The following SLIT3 variants were observed in gnomAD, a reference collection of about 807,000 sequenced individuals.
SLIT3 encodes the protein slit guidance ligand 3.
Under a neutral mutation model 184.0 loss-of-function variants are expected in SLIT3, and 68 were observed. The observed-to-expected ratio is 0.37, with a 90% CI of 0.30 to 0.45. SLIT3 has a LOEUF of 0.45. Ranked by LOEUF, SLIT3 falls within the 20% of genes least tolerant of loss-of-function variation. SLIT3 has a pLI of 1.00. For missense variants in SLIT3, 1,707 were observed against 2,026.0 expected (o/e 0.84, Z 3.02); for synonymous variants, 831 against 828.6 (o/e 1.00, Z -0.05).
chr5:169,107,937 C>G (rs957066744), intron 4 of SLIT3, among the ~76,000 whole-genome samples: 1 of 152,208 alleles, frequency 6.6e-6, no homozygotes, highest in Non-Finnish European at 1.5e-5. Context: ...GGCTGAGATG[C>G]CTCCCAGGCT....
In SLIT3 at chr5:169,244,849, T is replaced by C. The variant is rs541333015; in HGVS notation, c.270-73A>G. 7.0e-5 allele frequency: 89 copies of C among 1,275,374 alleles called. 1 individual carries two copies. Among genetic ancestry groups the C allele is most frequent in the Admixed American group, 1.5e-4 (9 of 59,316 alleles). 79.0% of individuals were successfully genotyped at this position (1,275,374 alleles called of 1,614,324 possible). A position where few individuals can be genotyped will look rare whatever the true frequency, so the allele number is the denominator to read the frequency against. ...GACCCTCATACTAGGCTTCATGCCA[T>C]GCAGGCATGGTCACTCAGCCCTTCC... is the stretch of plus-strand genomic sequence containing the variant. On this transcript the variant is annotated intron_variant, in intron 2 of 35. Coordinates refer to ENST00000519560, the MANE Select transcript of SLIT3 (RefSeq NM_003062.4).
intron 5 of SLIT3, among the ~76,000 whole-genome samples, chr5:168,847,950 G>A (rs1166480685): frequency 1.3e-5 from 2 of 152,158 alleles, no homozygotes; most frequent in Admixed American, 6.6e-5. Context: ...CAACATGCAC[G>A]CTATCACTCG....
chr5:169,102,624 G>A (rs1210456401), intron 4 of SLIT3, among the ~76,000 whole-genome samples: 1 of 152,068 alleles, frequency 6.6e-6, no homozygotes, highest in East Asian at 1.9e-4. Flanking sequence ...TGAAACCATG[G>A]ATATGGAACC....
Position 169,032,922 on chromosome 5 carries a change from A to ATTT in SLIT3, c.414-149589_414-149587dup, listed in dbSNP as rs199911562. 1.5e-3 allele frequency among the ~76,000 whole-genome samples: 135 copies of ATTT among 88,118 alleles called. 8 individuals are homozygous for ATTT. Among genetic ancestry groups the ATTT allele is most frequent in the African/African-American group, 4.2e-3 (102 of 24,304 alleles). 57.8% of individuals were successfully genotyped at this position (88,118 alleles called of 152,430 possible). ...TCTCATAAGTATCCATTTTTCCTTG[A>ATTT]TTTTTTTTTTTTTTTTTTTTTTTTT... On this transcript the variant is annotated intron_variant, in intron 4 of 35. Transcript: ENST00000519560.
intron 23 of SLIT3, 42 bp from the exon 24 acceptor site, chr5:168,712,396 T>C: frequency 6.3e-7 from 1 of 1,584,726 alleles, no homozygotes; most frequent in Non-Finnish European, 8.7e-7. Context: ...CATCCACTAA[T>C]TTGAATTTAG....
At chr5:168,739,593 T>TA (rs1190505453) in intron 20 of SLIT3, among the ~76,000 whole-genome samples, 2 of 152,086 alleles carry the variant, frequency 1.3e-5, no homozygotes, top group Non-Finnish European at 2.9e-5. Context: ...TAGCTGGGAT[T>TA]ACAGGCGCCC....
intron 6 of SLIT3, among the ~76,000 whole-genome samples, chr5:168,828,406 G>A (rs1422627838): frequency 6.6e-6 from 1 of 152,030 alleles, no homozygotes; most frequent in Non-Finnish European, 1.5e-5. Flanking sequence ...CACAGCGGGA[G>A]GACTGCTTGA....
chr5:169,127,489 C>T (rs796486557), intron 4 of SLIT3, among the ~76,000 whole-genome samples: 4 of 152,266 alleles, frequency 2.6e-5, no homozygotes, highest in African/African-American at 7.2e-5. Context: ...TGTCTAAAAT[C>T]GGAGCAACTT....
rs902684983 is a variant in SLIT3, at chr5:168,669,828, A to C, written c.4291T>G (p.Tyr1431Asp). 6.2e-6 allele frequency: 10 copies of C among 1,614,132 alleles called. No individual in the cohort carries two copies. The highest frequency in any genetic ancestry group is 3.3e-4 in the Middle Eastern group (2 of 5,988). ...CTAAAGCCGGGCTGGCACAGGCAGTAGGGCTCCCCTTGGTCTGAGATGTGG... is the reference window on the plus strand; with the variant it reads ...CTAAAGCCGGGCTGGCACAGGCAGTCGGGCTCCCCTTGGTCTGAGATGTGG... ...QCHISDQGEP[Y>D]CLCQPGFSGE... Residue 1431 changes from tyrosine (Y) to aspartate (D), a missense_variant, in exon 35 of 36, where the codon TAC (tyrosine) becomes GAC (aspartate). Coordinates refer to ENST00000519560, the MANE Select transcript of SLIT3 (RefSeq NM_003062.4).
intron 8 of SLIT3, among the ~76,000 whole-genome samples, chr5:168,816,759 T>C (rs1757345972): frequency 6.6e-6 from 1 of 152,256 alleles, no homozygotes; most frequent in South Asian, 2.1e-4. Context: ...CTAAGTGCTT[T>C]ATATGCATTA....
chr5:169,170,858 A>G (rs963328097), intron 4 of SLIT3, among the ~76,000 whole-genome samples: 3 of 152,226 alleles, frequency 2.0e-5, no homozygotes, highest in African/African-American at 7.2e-5. Context: ...GGTTTTTCCA[A>G]ATCCTTGACT....
intron 5 of SLIT3, among the ~76,000 whole-genome samples, chr5:168,856,464 C>T (rs1758873243): frequency 6.6e-6 from 1 of 152,152 alleles, no homozygotes. Context: ...GAATTTAATT[C>T]ACCTATTTTT....
chr5:169,111,882 C>T (rs1028678337), intron 4 of SLIT3, among the ~76,000 whole-genome samples: 2 of 152,214 alleles, frequency 1.3e-5, no homozygotes, highest in African/African-American at 4.8e-5. Context: ...GGAGAGGATA[C>T]TGTACTAGAT....
At chr5:169,049,744 G>A (rs548776139) in intron 4 of SLIT3, among the ~76,000 whole-genome samples, 1 of 152,312 alleles carries the variant, frequency 6.6e-6, no homozygotes, top group Non-Finnish European at 1.5e-5. Context: ...TGGGGTTGAC[G>A]AATGATAGGC....
intron 3 of SLIT3, among the ~76,000 whole-genome samples, chr5:169,234,514 C>A (rs1157671961): frequency 6.6e-6 from 1 of 152,222 alleles, no homozygotes; most frequent in Non-Finnish European, 1.5e-5. Context: ...TCAAGTGATT[C>A]TCCAGCCTCA....
intron 4 of SLIT3, among the ~76,000 whole-genome samples, chr5:168,933,520 G>C (rs1420205056): frequency 6.6e-6 from 1 of 151,506 alleles, no homozygotes; most frequent in Non-Finnish European, 1.5e-5. Context: ...CCACCTGGGT[G>C]ACAGAACAAG....
intron 3 of SLIT3, among the ~76,000 whole-genome samples, chr5:169,216,199 G>A (rs564448950): frequency 6.6e-6 from 1 of 152,210 alleles, no homozygotes; most frequent in Admixed American, 6.5e-5. Flanking sequence ...CTCACACACT[G>A]TGCCACCAGC....
chr5:169,172,605 A>G (rs1206509121), intron 4 of SLIT3, among the ~76,000 whole-genome samples: 1 of 152,190 alleles, frequency 6.6e-6, no homozygotes, highest in African/African-American at 2.4e-5. Context: ...AAATGAATGC[A>G]TTTGGGAAAC....
At chr5:169,132,811 A>G (rs1045769924) in intron 4 of SLIT3, among the ~76,000 whole-genome samples, 59 of 149,962 alleles carry the variant, frequency 3.9e-4, no homozygotes, top group Admixed American at 7.3e-4. Flanking sequence ...GTGATCTGTA[A>G]TCCCTCTGGA....
Sources: gnomAD v4.1 joint callset for allele counts (sites outside exome capture counted in the v4.1 genomes callset) on GRCh38, gnomAD v4.1.1 for gene constraint, MANE v1.5 for transcripts, NCBI Gene and HGNC (gene_info 2026-07-23, HGNC 2026-07-21) for gene names.